The following FGD4 variants were observed in gnomAD, a reference collection of about 807,000 sequenced individuals.
FGD4 encodes FYVE, RhoGEF and PH domain containing 4, also known as FYVE, RhoGEF and PH domain-containing protein 4.
A neutral mutation model predicts 102.0 loss-of-function variants in FGD4; 42 were observed. The ratio of observed to expected loss-of-function variants is 0.41; its 90% CI spans 0.32 to 0.53. FGD4 has a LOEUF of 0.53. Among genes scored for constraint, FGD4 ranks in the 20% least tolerant of loss-of-function variants. FGD4 has a pLI of 0.21. For synonymous variants in FGD4, 380 were observed against 375.7 expected (o/e 1.01, Z -0.13); for missense variants, 902 against 1,078.2 (o/e 0.84, Z 2.29).
intron 1 of FGD4, among the ~76,000 whole-genome samples, chr12:32,428,954 T>C (rs1047374863): frequency 1.3e-5 from 2 of 152,248 alleles, no homozygotes; most frequent in African/African-American, 4.8e-5. Context: ...CTTAGCTTCC[T>C]TGCATTGGGT....
intron 1 of FGD4, among the ~76,000 whole-genome samples, chr12:32,547,480 T>A (rs1433087656): frequency 6.6e-6 from 1 of 152,118 alleles, no homozygotes; most frequent in East Asian, 1.9e-4. Flanking sequence ...ACTTACCACC[T>A]CTTAATCATC....
chr12:32,400,381 G>C (rs1348792625), intron 1 of FGD4, among the ~76,000 whole-genome samples: 1 of 152,176 alleles, frequency 6.6e-6, no homozygotes, highest in Non-Finnish European at 1.5e-5. Flanking sequence ...TGACAACCTA[G>C]GTGTGGTGAG....
intron 1 of FGD4, chr12:32,534,507 T>C: frequency 6.8e-7 from 1 of 1,460,718 alleles, no homozygotes; most frequent in South Asian, 1.3e-5. Flanking sequence ...AGGTAAGTGG[T>C]TTCATTTTCT....
At chr12:32,569,020 T>G (rs1169340187) in intron 2 of FGD4, among the ~76,000 whole-genome samples, 1 of 152,248 alleles carries the variant, frequency 6.6e-6, no homozygotes, top group African/African-American at 2.4e-5. Context: ...CTGCCTGCTA[T>G]GTCACTTGAC....
intron 7 of FGD4, among the ~76,000 whole-genome samples, chr12:32,603,231 T>G (rs1205854850): frequency 6.6e-6 from 1 of 152,226 alleles, no homozygotes; most frequent in Non-Finnish European, 1.5e-5. Flanking sequence ...ATATTTGCCC[T>G]TTCTGGAGTA....
At chr12:32,443,959 G>A (rs1445055857) in intron 1 of FGD4, among the ~76,000 whole-genome samples, 2 of 151,712 alleles carry the variant, frequency 1.3e-5, no homozygotes, top group Non-Finnish European at 2.9e-5. Flanking sequence ...ACAATTCTAT[G>A]GAGATGTAGT....
At chr12:32,451,098 A>C (rs748870856) in intron 1 of FGD4, among the ~76,000 whole-genome samples, 9 of 152,254 alleles carry the variant, frequency 5.9e-5, no homozygotes, top group Non-Finnish European at 1.3e-4. Flanking sequence ...AGCTTTGCAA[A>C]GAGCAAAAGT....
intron 3 of FGD4, among the ~76,000 whole-genome samples, chr12:32,578,511 A>G (rs187538755): frequency 6.6e-6 from 1 of 152,304 alleles, no homozygotes; most frequent in African/African-American, 2.4e-5. Flanking sequence ...GAGTCTGGTC[A>G]GAATGGTCAT....
At chr12:32,419,134 A>G (rs1314797896) in intron 1 of FGD4, among the ~76,000 whole-genome samples, 1 of 152,172 alleles carries the variant, frequency 6.6e-6, no homozygotes, top group African/African-American at 2.4e-5. Context: ...ATGCTGACCA[A>G]GAGCCTAGGC....
At chr12:32,613,642 G>A (rs1465441260) in intron 10 of FGD4, among the ~76,000 whole-genome samples, 1 of 152,102 alleles carries the variant, frequency 6.6e-6, no homozygotes, top group Non-Finnish European at 1.5e-5. Flanking sequence ...TGTACTCCTA[G>A]CTACTTGAGA....
rs548627916 is a variant in FGD4 at position 32,608,103 on chromosome 12, CT to C, written c.1543+17del. 2.6e-5 allele frequency: 42 copies of C among 1,605,636 alleles called. No individual in the cohort carries two copies. The highest frequency in any genetic ancestry group is 3.4e-5 in the Admixed American group (2 of 59,670). On this transcript the variant is annotated intron_variant, in intron 8 of 16. Coordinates refer to ENST00000534526, the MANE Select transcript of FGD4 (RefSeq NM_001370298.3). ...ACTGGAATGATGCTAAAAGTAAATG[CT>C]TTTTTTTTGTTTTCTCCCTATTTTG...
chr12:32,410,658 C>A (rs1941167613), intron 1 of FGD4, among the ~76,000 whole-genome samples: 2 of 152,074 alleles, frequency 1.3e-5, no homozygotes, highest in Non-Finnish European at 2.9e-5. Flanking sequence ...GAAAACAAAC[C>A]CAGTTGCTGT....
In FGD4 at chr12:32,640,300, C is replaced by A. The variant is rs539860056; in HGVS notation, c.2479C>A (p.Pro827Thr). 6.2e-7 allele frequency: 1 copy of A among 1,614,192 alleles called. No homozygotes were observed. Among genetic ancestry groups the A allele is most frequent in the Non-Finnish European group, 8.5e-7 (1 of 1,180,028 alleles). Residue 827 changes from proline to threonine, a missense_variant, in exon 17 of 17, where the codon CCA becomes ACA. Pro to Thr is a conservative substitution (Grantham distance 38, BLOSUM62 -1). Around this residue, in one of 2 missense-constraint regions of FGD4, gnomAD observed 459 missense variants for 619.0 expected, o/e 0.74. Transcript: ENST00000534526. ...PQDVRAQATIPLLGYVVDEMP... is the reference protein window; with the variant it reads ...PQDVRAQATITLLGYVVDEMP... ...GGACGTCAGAGCCCAGGCCACCATT[C>A]CACTTCTGGGCTATGTGGTGGATGA...
chr12:32,564,176 G>C lies in FGD4; in HGVS notation c.206G>C (p.Cys69Ser), dbSNP rs900666788. ...TCPKIALVPP[C>S]STSSTTTLVG... ...CCAAAGATCGCTTTAGTTCCACCTTGCTCCACAAGCAGCACAACCACACTG... is the reference window on the plus strand; with the variant it reads ...CCAAAGATCGCTTTAGTTCCACCTTCCTCCACAAGCAGCACAACCACACTG... Residue 69 changes from cysteine to serine, a missense_variant, in exon 2 of 17, where the codon TGC (cysteine) becomes TCC (serine). Cys to Ser is a moderately radical substitution (Grantham distance 112). Coordinates refer to ENST00000534526, the MANE Select transcript of FGD4 (RefSeq NM_001370298.3). 5.2e-6 allele frequency: 8 copies of C among 1,535,972 alleles called. No individual in the cohort carries two copies. The African/African-American group carries it at 5.5e-5, about 11-fold the overall frequency.
intron 1 of FGD4, among the ~76,000 whole-genome samples, chr12:32,557,557 T>G (rs1371375529): frequency 1.3e-5 from 2 of 152,248 alleles, no homozygotes; most frequent in Non-Finnish European, 2.9e-5. Context: ...TACTGTAGAT[T>G]AGAGTCCTAG....
At chr12:32,625,509 A>G in intron 13 of FGD4, 145 bp from the exon 14 acceptor site, 7 of 968,362 alleles carry the variant, frequency 7.2e-6, no homozygotes, top group Non-Finnish European at 1.1e-5. Flanking sequence ...ACTTCAGGTG[A>G]TCCGCCTGCC....
At chr12:32,438,799 G>T (rs574747741) in intron 1 of FGD4, among the ~76,000 whole-genome samples, 2 of 151,916 alleles carry the variant, frequency 1.3e-5, no homozygotes, top group Admixed American at 1.3e-4. Context: ...TAGTAGAGAC[G>T]GGGTTTCACC....
At chr12:32,550,098 C>G (rs1008036392) in intron 1 of FGD4, among the ~76,000 whole-genome samples, 2 of 152,090 alleles carry the variant, frequency 1.3e-5, no homozygotes, top group African/African-American at 4.8e-5. Flanking sequence ...GGTTCTTTTC[C>G]CATTAGCCAT....
chr12:32,545,586 T>C (rs1392412472), intron 1 of FGD4, among the ~76,000 whole-genome samples: 1 of 152,230 alleles, frequency 6.6e-6, no homozygotes, highest in East Asian at 1.9e-4. Context: ...TAAAACTTTA[T>C]TGACAGAAGC....
Sources: allele counts gnomAD v4.1 joint callset (sites outside exome capture counted in the v4.1 genomes callset), GRCh38; gene constraint gnomAD v4.1.1; regional missense constraint gnomAD v4.1.1; transcripts MANE v1.5; gene names NCBI Gene and HGNC (gene_info 2026-07-23, HGNC 2026-07-21).